The following NRCAM variants were observed in gnomAD, a reference collection of about 807,000 sequenced individuals.
NRCAM encodes NgCAM-related cell adhesion molecule.
NRCAM carries 83 observed loss-of-function variants against 156.5 expected under a neutral mutation model. The ratio of observed to expected loss-of-function variants is 0.53; its 90% CI spans 0.44 to 0.64. The LOEUF is 0.64. Ranked by LOEUF, NRCAM falls within the 30% of genes least tolerant of loss-of-function variation. The pLI is 0.00. For synonymous variants in NRCAM, 538 were observed against 563.9 expected, an observed-to-expected ratio of 0.95 and a Z score of 0.65; for missense variants, 1,417 against 1,597.3, an observed-to-expected ratio of 0.89 and a Z score of 1.92.
intron 3 of NRCAM, among the ~76,000 whole-genome samples, chr7:108,300,085 C>T (rs2098557163): frequency 6.7e-6 from 1 of 149,396 alleles, no homozygotes; most frequent in Non-Finnish European, 1.5e-5. Flanking sequence ...ACAGGTATCA[C>T]TAGGAATATC....
At chr7:108,368,792 T>C (rs933860301) in intron 2 of NRCAM, among the ~76,000 whole-genome samples, 1 of 152,094 alleles carries the variant, frequency 6.6e-6, no homozygotes, top group Non-Finnish European at 1.5e-5. Context: ...AGATTCACTC[T>C]CCGAAAGCAC....
At chr7:108,193,006 T>C (rs940007210) in intron 17 of NRCAM, among the ~76,000 whole-genome samples, 1 of 152,174 alleles carries the variant, frequency 6.6e-6, no homozygotes, top group African/African-American at 2.4e-5. Flanking sequence ...CACCTTAACC[T>C]GATGGTCATT....
chr7:108,442,157 G>A lies in NRCAM; in HGVS notation c.-332+14086C>T, dbSNP rs76465528. Reference sequence around the variant, plus strand: ...GTAGGCTCAGCCCCCTTTTTTTGATGAATTGGTCATGGAGGTGGCTGAGGT... The same window carrying A: ...GTAGGCTCAGCCCCCTTTTTTTGATAAATTGGTCATGGAGGTGGCTGAGGT... On this transcript the variant is annotated intron_variant, in intron 1 of 32. Coordinates refer to ENST00000379028, the MANE Select transcript of NRCAM (RefSeq NM_001037132.4). Among the ~76,000 whole-genome samples the A allele has an allele frequency of 4.2e-3, 645 of 152,170 alleles. 10 individuals are homozygous for A. Among genetic ancestry groups the A allele is most frequent in the African/African-American group, 0.015 (610 of 41,524 alleles).
Position 108,238,394 on chromosome 7 carries a change from T to C in NRCAM, c.107-625A>G, listed in dbSNP as rs372492273. ...CCACACCAAGGACTTGTTCATGTAGTAGAGAAACGATGTAAGAAATAGGGG... is the reference window on the plus strand; with the variant it reads ...CCACACCAAGGACTTGTTCATGTAGCAGAGAAACGATGTAAGAAATAGGGG... On this transcript the variant is annotated intron_variant, in intron 4 of 32. Coordinates refer to ENST00000379028, the MANE Select transcript of NRCAM (RefSeq NM_001037132.4). Among the ~76,000 whole-genome samples, 11 of 152,304 alleles carry C rather than the reference T, an allele frequency of 7.2e-5. No individual in the cohort carries two copies. In the South Asian group the frequency reaches 2.3e-3, roughly 32 times the overall value.
chr7:108,202,503 G>C (rs1441025411), intron 13 of NRCAM, among the ~76,000 whole-genome samples: 1 of 151,964 alleles, frequency 6.6e-6, no homozygotes, highest in African/African-American at 2.4e-5. Context: ...GGTTTTCTCA[G>C]TTAGTCAACT....
chr7:108,155,946 G>A (rs1444096066), intron 32 of NRCAM, among the ~76,000 whole-genome samples: 2 of 151,988 alleles, frequency 1.3e-5, no homozygotes, highest in African/African-American at 4.8e-5. Flanking sequence ...TCAGAAGTGT[G>A]CACATCTGTT....
intron 3 of NRCAM, chr7:108,243,255 CG>C (rs2095659213): frequency 6.6e-6 from 1 of 152,146 alleles, no homozygotes; most frequent in Non-Finnish European, 1.5e-5. Context: ...ACTCTTGCAA[CG>C]TATGCCCTTA....
At position 108,309,781 on chromosome 7, in the gene NRCAM, C is replaced by T. The variant is rs189160300; in HGVS notation, c.-107+2884G>A. Among the ~76,000 whole-genome samples the T allele has an allele frequency of 5.8e-4, 89 of 152,192 alleles. 1 individual carries two copies. Among genetic ancestry groups the T allele is most frequent in the Admixed American group, 4.3e-3 (65 of 15,270 alleles). ...CTGAGGGATGAGAATCACTTGAACC[C>T]GGGAGGTGGAGTTTGCAGTGAGCAG... On this transcript the variant is annotated intron_variant, in intron 3 of 32. Coordinates refer to ENST00000379028, the MANE Select transcript of NRCAM (RefSeq NM_001037132.4).
Position 108,155,119 on chromosome 7 carries a change from C to T in NRCAM, c.3677+4344G>A, listed in dbSNP as rs1180047801. 1.4e-3 allele frequency among the ~76,000 whole-genome samples: 205 copies of T among 142,688 alleles called. 1 individual carries two copies. The highest frequency in any genetic ancestry group is 2.3e-3 in the Non-Finnish European group (150 of 64,842). The allele number at this position is 142,688 out of a possible 152,430, so 93.6% of individuals were successfully genotyped here. On this transcript the variant is annotated intron_variant, in intron 32 of 32. Transcript: ENST00000379028. ...ATATATATACACACACACACACACA[C>T]ACACACACACACACACACACACACA...
chr7:108,187,767 C>T (rs921500832), intron 20 of NRCAM, among the ~76,000 whole-genome samples: 4 of 151,672 alleles, frequency 2.6e-5, no homozygotes, highest in African/African-American at 4.8e-5. Context: ...CTGGCTAGTA[C>T]GGCAAAACCC....
intron 27 of NRCAM, 65 bp downstream of exon 27, chr7:108,176,357 AAAAAGCAT>A (rs1481355690): frequency 7.3e-7 from 1 of 1,373,980 alleles, no homozygotes; most frequent in Non-Finnish European, 1.0e-6. Context: ...AGCAAGAAGG[AAAAAGCAT>A]AAACTTAAAG....
intron 2 of NRCAM, chr7:108,328,804 T>C (rs1257264206): frequency 6.6e-6 from 1 of 152,216 alleles, no homozygotes; most frequent in African/African-American, 2.4e-5. Context: ...GAGGGGGAGA[T>C]TGTAAAGCTG....
In NRCAM at chr7:108,337,402, C is replaced by T. The variant is rs146216015; in HGVS notation, c.-173-24671G>A. Among the ~76,000 whole-genome samples the T allele has an allele frequency of 5.8e-3, 880 of 152,230 alleles. 9 individuals are homozygous for T. Among genetic ancestry groups the T allele is most frequent in the African/African-American group, 0.02 (838 of 41,542 alleles). ...TTACGGCTCGAGCTGAGCTTTTGCT[C>T]GCCATCCACCACTGCTGTTTGCCAC... On this transcript the variant is annotated intron_variant, in intron 2 of 32. Coordinates refer to ENST00000379028, the MANE Select transcript of NRCAM (RefSeq NM_001037132.4).
intron 2 of NRCAM, among the ~76,000 whole-genome samples, chr7:108,393,229 C>A (rs149392232): frequency 2.6e-5 from 4 of 152,256 alleles, no homozygotes; most frequent in East Asian, 1.9e-4. Context: ...TCGAGCTTCC[C>A]GGCAGCTTTG....
At chr7:108,215,426 AG>A (rs1252625066) in intron 11 of NRCAM, among the ~76,000 whole-genome samples, 1 of 151,944 alleles carries the variant, frequency 6.6e-6, no homozygotes, top group Non-Finnish European at 1.5e-5. Flanking sequence ...CATGTTAGCC[AG>A]GATGGTCTCG....
intron 2 of NRCAM, among the ~76,000 whole-genome samples, chr7:108,349,279 T>A (rs1271374860): frequency 6.6e-6 from 1 of 151,986 alleles, no homozygotes; most frequent in Admixed American, 6.6e-5. Flanking sequence ...AACTCTTTTT[T>A]TTTTTTTGAG....
At chr7:108,443,136 C>T (rs1034071253) in intron 1 of NRCAM, among the ~76,000 whole-genome samples, 3 of 152,078 alleles carry the variant, frequency 2.0e-5, no homozygotes, top group Non-Finnish European at 4.4e-5. Flanking sequence ...CAAGAATCTT[C>T]CTACCAAACA....
chr7:108,224,101 G>A (rs1377198639), intron 10 of NRCAM, among the ~76,000 whole-genome samples: 1 of 152,034 alleles, frequency 6.6e-6, no homozygotes, highest in Non-Finnish European at 1.5e-5. Flanking sequence ...CCCTTAATTT[G>A]GGTTAGGTTT....
intron 1 of NRCAM, among the ~76,000 whole-genome samples, chr7:108,415,164 T>G (rs1799991628): frequency 6.6e-6 from 1 of 152,216 alleles, no homozygotes; most frequent in Admixed American, 6.5e-5. Flanking sequence ...AAACAAGGTC[T>G]TCTTGGCCCT....
Sources: allele counts gnomAD v4.1 joint callset (sites outside exome capture counted in the v4.1 genomes callset), GRCh38; gene constraint gnomAD v4.1.1; transcripts MANE v1.5; gene names NCBI Gene and HGNC (gene_info 2026-07-23, HGNC 2026-07-21).